PKP4: variants seen among roughly 807,000 people sequenced by gnomAD.
PKP4 encodes the protein plakophilin-4.
A neutral mutation model predicts 145.1 loss-of-function variants in PKP4; 90 were observed. The observed-to-expected ratio is 0.62, with a 90% CI of 0.52 to 0.74. PKP4 has a LOEUF of 0.74. Among genes scored for constraint, PKP4 ranks in the 30% least tolerant of loss-of-function variants. The pLI is 0.00. For missense variants in PKP4, 1,340 were observed against 1,482.7 expected (o/e 0.90, Z 1.58); for synonymous variants, 563 against 577.2 (o/e 0.98, Z 0.35).
chr2:158,584,162 G>A (rs1008657777), intron 3 of PKP4, among the ~76,000 whole-genome samples: 2 of 152,236 alleles, frequency 1.3e-5, no homozygotes, highest in Admixed American at 6.5e-5. Flanking sequence ...GAGGCCAACC[G>A]AGGGTCTGTG....
chr2:158,648,025 A>G (rs2054989268), intron 11 of PKP4, among the ~76,000 whole-genome samples: 1 of 152,214 alleles, frequency 6.6e-6, no homozygotes, highest in South Asian at 2.1e-4. Flanking sequence ...GACATTGAAG[A>G]TATTGCACAA....
intron 1 of PKP4, among the ~76,000 whole-genome samples, chr2:158,464,021 C>T (rs552080672): frequency 6.6e-6 from 1 of 152,318 alleles, no homozygotes; most frequent in African/African-American, 2.4e-5. Flanking sequence ...ACTTACTTGT[C>T]TACAACCAGT....
At position 158,658,300 on chromosome 2, in the gene PKP4, G is replaced by T. The variant is rs8272; in HGVS notation, c.2079G>T (p.Thr693=). 84 of 1,591,096 alleles carry T rather than the reference G, an allele frequency of 5.3e-5. No individual in the cohort carries two copies. Among genetic ancestry groups the T allele is most frequent in the Non-Finnish European group, 6.6e-5 (77 of 1,165,872 alleles). ...KFQTSLVLRN[T]TGCLRNLSSA... is the part of the protein sequence containing the mutation. ...AGACTTCACTAGTTCTGCGTAACAC[G>T]ACAGGTTGCCTAAGGTAAATTCTTT... Residue 693 remains threonine (T), a synonymous_variant, in exon 12 of 22, where the codon ACG becomes ACT. Coordinates refer to ENST00000389759, the MANE Select transcript of PKP4 (RefSeq NM_003628.6).
chr2:158,498,221 C>G (rs1172537015), intron 1 of PKP4, among the ~76,000 whole-genome samples: 2 of 152,020 alleles, frequency 1.3e-5, no homozygotes, highest in Non-Finnish European at 2.9e-5. Context: ...TTCCTGAGCT[C>G]AAGGGATCCT....
chr2:158,589,151 C>T (rs567803591), intron 3 of PKP4, among the ~76,000 whole-genome samples: 1 of 152,216 alleles, frequency 6.6e-6, no homozygotes, highest in East Asian at 1.9e-4. Flanking sequence ...AAGAGAATAG[C>T]AGCAGTTGAA....
chr2:158,665,332 A>G (rs1476137157), intron 15 of PKP4, among the ~76,000 whole-genome samples: 5 of 152,164 alleles, frequency 3.3e-5, no homozygotes, highest in Non-Finnish European at 5.9e-5. Flanking sequence ...CCCCCCATAG[A>G]TTTCATGTGA....
chr2:158,528,973 T>A (rs2043251068), intron 1 of PKP4, among the ~76,000 whole-genome samples: 1 of 152,224 alleles, frequency 6.6e-6, no homozygotes, highest in Non-Finnish European at 1.5e-5. Context: ...TAGAACTTGT[T>A]TAATCTTAGT....
At chr2:158,494,016 T>A (rs565108408) in intron 1 of PKP4, among the ~76,000 whole-genome samples, 32 of 152,322 alleles carry the variant, frequency 2.1e-4, no homozygotes, top group Non-Finnish European at 4.1e-4. Flanking sequence ...CATTTTCATT[T>A]CAGTCTTATC....
At chr2:158,622,968 T>G (rs1333806531) in intron 6 of PKP4, among the ~76,000 whole-genome samples, 2 of 152,204 alleles carry the variant, frequency 1.3e-5, no homozygotes, top group Non-Finnish European at 2.9e-5. Context: ...AAACACTTTT[T>G]TCTTTAAGAG....
intron 2 of PKP4, among the ~76,000 whole-genome samples, chr2:158,570,073 G>C (rs1250971000): frequency 6.6e-6 from 1 of 152,140 alleles, no homozygotes. Context: ...CATTGATTTA[G>C]GGACTACCAA....
intron 1 of PKP4, among the ~76,000 whole-genome samples, chr2:158,461,456 ATGT>A (rs1689757971): frequency 6.6e-6 from 1 of 152,178 alleles, no homozygotes; most frequent in Non-Finnish European, 1.5e-5. Context: ...AGCTGATAAA[ATGT>A]TGTTAGGGAT....
chr2:158,490,038 C>T (rs1281017346), intron 1 of PKP4, among the ~76,000 whole-genome samples: 2 of 152,172 alleles, frequency 1.3e-5, no homozygotes, highest in Non-Finnish European at 2.9e-5. Flanking sequence ...GTGTTATTCT[C>T]AGATTGTCTT....
chr2:158,669,927 G>A lies in PKP4; in HGVS notation c.2924+12G>A. 6.3e-7 allele frequency: 1 copy of A among 1,595,576 alleles called. No individual in the cohort carries two copies. Among genetic ancestry groups the A allele is most frequent in the Non-Finnish European group, 8.6e-7 (1 of 1,168,076 alleles). On this transcript the variant is annotated intron_variant, in intron 17 of 21. Transcript: ENST00000389759. ...GGCAGGGGCGACAGGCAAGTCTGCG[G>A]CAAGGAGGTGCAAGCAGTGCTCTTA...
chr2:158,471,352 A>G (rs896480636), intron 1 of PKP4, among the ~76,000 whole-genome samples: 5 of 152,212 alleles, frequency 3.3e-5, no homozygotes, highest in African/African-American at 7.2e-5. Context: ...AAAATGGGGG[A>G]AAAACCCTAC....
At chr2:158,460,771 G>A (rs1177921925) in intron 1 of PKP4, among the ~76,000 whole-genome samples, 3 of 152,202 alleles carry the variant, frequency 2.0e-5, no homozygotes, top group Non-Finnish European at 1.5e-5. Flanking sequence ...AGTTTGGGAA[G>A]TTTGCCTTCA....
intron 1 of PKP4, among the ~76,000 whole-genome samples, chr2:158,488,985 G>A (rs1287123399): frequency 6.6e-6 from 1 of 152,186 alleles, no homozygotes; most frequent in Non-Finnish European, 1.5e-5. Context: ...CTTGGGGAAG[G>A]CATTACATCT....
intron 11 of PKP4, 66 bp downstream of exon 11, chr2:158,642,765 T>G: frequency 8.5e-7 from 1 of 1,174,344 alleles, no homozygotes; most frequent in Non-Finnish European, 1.2e-6. Flanking sequence ...TGCCCTTGTA[T>G]AGTGGCACTA....
chr2:158,658,227 C>A lies in PKP4; in HGVS notation c.2006C>A (p.Ser669Tyr). The A allele has an allele frequency of 6.3e-7, 1 of 1,598,852 alleles. No homozygotes were observed. Among genetic ancestry groups the A allele is most frequent in the Non-Finnish European group, 8.6e-7 (1 of 1,166,498 alleles). ...ACAAACACTGTGATTGTTCCACATTCTGGATGGAATAACTCTTCTTTTGAT... is the reference window on the plus strand; with the variant it reads ...ACAAACACTGTGATTGTTCCACATTATGGATGGAATAACTCTTCTTTTGAT... ...TLTNTVIVPH[S>Y]GWNNSSFDDD... The change falls in exon 12 of 22, where the codon TCT becomes TAT. Residue 669 changes from serine to tyrosine, a missense_variant. Coordinates refer to ENST00000389759, the MANE Select transcript of PKP4 (RefSeq NM_003628.6).
intron 17 of PKP4, among the ~76,000 whole-genome samples, chr2:158,672,298 T>C (rs2057629870): frequency 1.3e-5 from 2 of 152,238 alleles, no homozygotes; most frequent in Admixed American, 1.3e-4. Flanking sequence ...GGAGTTTTGC[T>C]GCAAAGGAGA....
Sources: allele counts gnomAD v4.1 joint callset (sites outside exome capture counted in the v4.1 genomes callset), GRCh38; gene constraint gnomAD v4.1.1; transcripts MANE v1.5; gene names NCBI Gene and HGNC (gene_info 2026-07-23, HGNC 2026-07-21).